Variants in CLTRN observed in about 807,000 individuals in gnomAD.
CLTRN encodes the protein collectrin.
A neutral mutation model predicts 14.5 loss-of-function variants in CLTRN; 12 were observed. The ratio of observed to expected loss-of-function variants is 0.83; its 90% CI spans 0.53 to 1.34. The LOEUF (loss-of-function observed/expected upper bound fraction) is 1.34, where lower values mean the gene tolerates loss of function less well. Ranked by LOEUF, CLTRN falls within the 40% of genes most tolerant of loss-of-function variation. The probability of loss-of-function intolerance (pLI) is 0.00; values close to 1 mark genes in which losing one functional copy is unlikely to be tolerated. For synonymous variants in CLTRN, 58 were observed against 56.5 expected (o/e 1.03, Z -0.12); for missense variants, 154 against 165.1 (o/e 0.93, Z 0.37).
At position 15,627,840 on chromosome X, in the gene CLTRN, G is replaced by A; in HGVS notation, c.*131C>T. Reference sequence around the variant, plus strand: ...ATAATTGATTGCTTTTCACTTTCAAGCACATTCAAAATTTATTACAAAAGA... The same window carrying A: ...ATAATTGATTGCTTTTCACTTTCAAACACATTCAAAATTTATTACAAAAGA... On this transcript the variant is annotated 3_prime_UTR_variant, in exon 6 of 6. Coordinates refer to ENST00000380342, the MANE Select transcript of CLTRN (RefSeq NM_020665.6). 4.1e-6 allele frequency: 2 copies of A among 482,795 alleles called. No homozygotes were observed. The highest frequency in any genetic ancestry group is 3.0e-6 in the Non-Finnish European group (1 of 332,550). The allele number at this position is 482,795 out of a possible 1,213,427, so 39.8% of individuals were successfully genotyped here. A position where few individuals can be genotyped will look rare whatever the true frequency, so the allele number is the denominator to read the frequency against.
At position 15,659,108 on chromosome X, in the gene CLTRN, A is replaced by G. The variant is rs1929441716; in HGVS notation, c.118-7T>C. 3 of 1,105,471 alleles carry G rather than the reference A, an allele frequency of 2.7e-6. No homozygotes were observed. Among genetic ancestry groups the G allele is most frequent in the Non-Finnish European group, 3.7e-6 (3 of 809,597 alleles). The allele number at this position is 1,105,471 out of a possible 1,213,427, so 91.1% of individuals were successfully genotyped here. A position where few individuals can be genotyped will look rare whatever the true frequency, so the allele number is the denominator to read the frequency against. ...CATTGGTATCCCAGGCATACTGAAAAAGAAGGAAAACAAAGTGTATGGGGG... is the reference window on the plus strand; with the variant it reads ...CATTGGTATCCCAGGCATACTGAAAGAGAAGGAAAACAAAGTGTATGGGGG... On this transcript the variant is annotated splice_polypyrimidine_tract_variant and splice_region_variant and intron_variant, in intron 2 of 5. Transcript: ENST00000380342.
At chrX:15,668,796 T>G, upstream of CLTRN, among the ~76,000 whole-genome samples, 1 of 112,048 alleles carries the variant, frequency 8.9e-6, no homozygotes, top group Non-Finnish European at 1.9e-5. Context: ...TCAAAATTTT[T>G]CATTCCTTAC....
chrX:15,654,124 A>G (rs1929291456), intron 3 of CLTRN, among the ~76,000 whole-genome samples: 1 of 112,024 alleles, frequency 8.9e-6, no homozygotes. Flanking sequence ...TGGAAATCAA[A>G]AGGACTAAAT....
chrX:15,639,662 G>T lies in CLTRN; in HGVS notation c.412C>A (p.Pro138Thr). The T allele has an allele frequency of 8.3e-7, 1 of 1,207,972 alleles. No individual in the cohort carries two copies. Among genetic ancestry groups the T allele is most frequent in the Non-Finnish European group, 1.1e-6 (1 of 892,632 alleles). Residue 138 changes from proline (P) to threonine (T), a missense_variant, in exon 5 of 6, where the codon CCA (proline) becomes ACA (threonine). Transcript: ENST00000380342. ...ATAATAATCCAGATGGGCACAGATG[G>T]GTCCATGGGTGGTGCAAGTGTGGAA... ...IPSTLAPPMD[P>T]SVPIWIIIFG... is the part of the protein sequence containing the mutation.
chrX:15,650,179 C>G lies in CLTRN; in HGVS notation c.204-5150G>C, dbSNP rs543992600. Among the ~76,000 whole-genome samples, 19 of 104,875 alleles carry G rather than the reference C, an allele frequency of 1.8e-4. 1 individual carries two copies. The highest frequency in any genetic ancestry group is 6.7e-4 in the African/African-American group (19 of 28,506). The allele number at this position is 104,875 out of a possible 115,157, so 91.1% of individuals were successfully genotyped here. A position where few individuals can be genotyped will look rare whatever the true frequency, so the allele number is the denominator to read the frequency against. ...TTGGGAGCAATTGCAGGGAACCCCC[C>G]CACCAAGTGTTGAGAACCACTGGTA... On this transcript the variant is annotated intron_variant, in intron 3 of 5. Transcript: ENST00000380342.
chrX:15,644,802 T>C (rs928546973), intron 4 of CLTRN, 114 bp downstream of exon 4: 22 of 472,859 alleles, frequency 4.7e-5, no homozygotes, highest in Admixed American at 3.1e-4. Context: ...TTTGTCATTT[T>C]AATAAATAAT....
chrX:15,646,458 A>AACCCCCCCCCC, intron 3 of CLTRN: 2 of 228,795 alleles, frequency 8.7e-6, no homozygotes, highest in Admixed American at 6.1e-5. Flanking sequence ...AAAACCGCGC[A>AACCCCCCCCCC]CCCACCCCCC....
At chrX:15,654,777 G>A (rs960269405) in intron 3 of CLTRN, among the ~76,000 whole-genome samples, 1 of 112,695 alleles carries the variant, frequency 8.9e-6, no homozygotes, top group Admixed American at 9.3e-5. Context: ...ACCTGGTGCA[G>A]TGTGGGACCT....
chrX:15,646,469 C>CCCCCCG, intron 3 of CLTRN: 2 of 261,701 alleles, frequency 7.6e-6, no homozygotes, highest in South Asian at 3.6e-5. Flanking sequence ...CCCACCCCCC[C>CCCCCCG]GCCCGACCCC....
intron 3 of CLTRN, among the ~76,000 whole-genome samples, chrX:15,655,686 C>T (rs891569003): frequency 1.8e-5 from 2 of 111,937 alleles, no homozygotes; most frequent in African/African-American, 6.5e-5. Flanking sequence ...TAAGAAGTAG[C>T]CACCAGTTTC....
intron 5 of CLTRN, among the ~76,000 whole-genome samples, chrX:15,629,886 T>C (rs928492634): frequency 4.5e-5 from 5 of 112,014 alleles, no homozygotes; most frequent in Middle Eastern, 4.2e-3. Flanking sequence ...ATCACATATA[T>C]GTTTTTCCTG....
chrX:15,662,738 T>C (rs1929536989), intron 2 of CLTRN, among the ~76,000 whole-genome samples: 1 of 111,654 alleles, frequency 9.0e-6, no homozygotes, highest in Non-Finnish European at 1.9e-5. Flanking sequence ...GAGCTCTTTC[T>C]AAAATCACCA....
At chrX:15,671,850 A>G (rs556779092) in intron 1 of CLTRN, among the ~76,000 whole-genome samples, 20,237 of 76,777 alleles carry the variant, frequency 0.26, 1,506 homozygotes, top group East Asian at 0.65. Context: ...GCGCGCACAC[A>G]CACACACACA....
chrX:15,658,979 G>A (rs746963013), intron 3 of CLTRN, 37 bp downstream of exon 3: 2 of 821,203 alleles, frequency 2.4e-6, no homozygotes, highest in South Asian at 2.2e-5. Context: ...AAATAATACT[G>A]TAAATAATCA....
chrX:15,659,155 A>T, intron 2 of CLTRN, 54 bp from the exon 3 acceptor site: 1 of 627,875 alleles, frequency 1.6e-6, no homozygotes, highest in Non-Finnish European at 2.5e-6. Context: ...CATTGGTTCT[A>T]CTTGTACCCA....
In CLTRN at chrX:15,635,202, T is replaced by C. The variant is rs141467367; in HGVS notation, c.512+4360A>G. Among the ~76,000 whole-genome samples the C allele has an allele frequency of 2.7e-5, 3 of 111,120 alleles. No homozygotes were observed. The Admixed American group carries it at 2.9e-4, about 11-fold the overall frequency. ...AATTGGCAAATGCTACAAATTAGGG[T>C]ATTTATTCAGAATTTTTCAGCCTTG... On this transcript the variant is annotated intron_variant, in intron 5 of 5. Coordinates refer to ENST00000380342, the MANE Select transcript of CLTRN (RefSeq NM_020665.6).
At chrX:15,633,050 G>A (rs1928739325) in intron 5 of CLTRN, among the ~76,000 whole-genome samples, 1 of 110,840 alleles carries the variant, frequency 9.0e-6, no homozygotes, top group Non-Finnish European at 1.9e-5. Context: ...GGTAAATAGG[G>A]TTACTGGAAT....
chrX:15,644,114 A>G (rs1247334427), intron 4 of CLTRN, among the ~76,000 whole-genome samples: 2 of 111,961 alleles, frequency 1.8e-5, no homozygotes, highest in Non-Finnish European at 3.8e-5. Context: ...TAAGGAGGGG[A>G]GGAGTACAAC....
At chrX:15,630,961 C>T (rs746657836) in intron 5 of CLTRN, among the ~76,000 whole-genome samples, 2 of 112,297 alleles carry the variant, frequency 1.8e-5, no homozygotes, top group South Asian at 7.4e-4. Flanking sequence ...CTATAACCAT[C>T]AATCACATCA....
Sources: allele counts gnomAD v4.1 joint callset (sites outside exome capture counted in the v4.1 genomes callset), GRCh38; gene constraint gnomAD v4.1.1; transcripts MANE v1.5; gene names NCBI Gene and HGNC (gene_info 2026-07-23, HGNC 2026-07-21).